The following INPP4B variants were observed in gnomAD, a reference collection of about 807,000 sequenced individuals.
The protein encoded by INPP4B is inositol polyphosphate-4-phosphatase type II B, also known as inositol polyphosphate 4-phosphatase type II.
Under a neutral mutation model 122.5 loss-of-function variants are expected in INPP4B, and 55 were observed. The observed-to-expected ratio is 0.45, with a 90% CI of 0.36 to 0.56. The LOEUF is 0.56. INPP4B is among the 20% of genes least tolerant of loss of function. INPP4B has a pLI of 0.00. For synonymous variants in INPP4B, 403 were observed against 388.7 expected (o/e 1.04, Z -0.43); for missense variants, 1,000 against 1,097.7 (o/e 0.91, Z 1.26).
At chr4:142,192,993 A>G in intron 15 of INPP4B, 94 bp downstream of exon 15, 1 of 720,324 alleles carries the variant, frequency 1.4e-6, no homozygotes, top group Non-Finnish European at 2.5e-6. Flanking sequence ...GTCAAGAACT[A>G]TACATTGTGA....
At chr4:142,417,364 C>A (rs759861519) in intron 5 of INPP4B, among the ~76,000 whole-genome samples, 8 of 152,032 alleles carry the variant, frequency 5.3e-5, no homozygotes, top group Non-Finnish European at 1.0e-4. Flanking sequence ...AAGTTGAGGG[C>A]CATAGATTCA....
chr4:142,102,973 T>G (rs1785211004), intron 23 of INPP4B, among the ~76,000 whole-genome samples: 1 of 152,116 alleles, frequency 6.6e-6, no homozygotes, highest in Admixed American at 6.6e-5. Context: ...ATGTTTTAAT[T>G]TCTCTATTTG....
chr4:142,673,696 T>G (rs966613163), intron 2 of INPP4B, among the ~76,000 whole-genome samples: 4 of 152,112 alleles, frequency 2.6e-5, no homozygotes. Context: ...TAAACCAGAA[T>G]GAACAGAAGA....
At chr4:142,781,376 C>A (rs894055556) in intron 1 of INPP4B, among the ~76,000 whole-genome samples, 4 of 152,202 alleles carry the variant, frequency 2.6e-5, no homozygotes, top group Non-Finnish European at 5.9e-5. Context: ...ACTGGTTGTA[C>A]TGCTGAGAAC....
At chr4:142,636,800 T>G (rs1039108527) in intron 2 of INPP4B, among the ~76,000 whole-genome samples, 7 of 152,114 alleles carry the variant, frequency 4.6e-5, no homozygotes, top group Non-Finnish European at 7.4e-5. Flanking sequence ...ATCATGTCAC[T>G]GGTATTTCCT....
chr4:142,055,237 C>A (rs2667103), intron 25 of INPP4B, among the ~76,000 whole-genome samples: 123,655 of 151,888 alleles, frequency 0.81, 52,456 homozygotes, highest in Non-Finnish European at 0.92. Context: ...GTTAAATAAA[C>A]CACTATTAAT....
intron 2 of INPP4B, among the ~76,000 whole-genome samples, chr4:142,474,610 T>G (rs150282772): frequency 1.2e-4 from 19 of 152,254 alleles, no homozygotes; most frequent in African/African-American, 4.1e-4. Flanking sequence ...AACCTCTTGT[T>G]GCCCAGGAAA....
At chr4:142,450,324 A>G (rs1336469707) in intron 3 of INPP4B, among the ~76,000 whole-genome samples, 1 of 152,220 alleles carries the variant, frequency 6.6e-6, no homozygotes, top group African/African-American at 2.4e-5. Context: ...TCTTAATGTC[A>G]TCAAAGTGGG....
At chr4:142,689,506 G>A (rs1464489649) in intron 2 of INPP4B, among the ~76,000 whole-genome samples, 2 of 152,154 alleles carry the variant, frequency 1.3e-5, no homozygotes, top group African/African-American at 4.8e-5. Context: ...AATTGCCCAT[G>A]ATAACCTTTT....
At chr4:142,250,921 C>T (rs1420286251) in intron 11 of INPP4B, among the ~76,000 whole-genome samples, 2 of 152,112 alleles carry the variant, frequency 1.3e-5, no homozygotes, top group South Asian at 2.1e-4. Flanking sequence ...ATTTAAATTG[C>T]AGAATGCAGC....
At chr4:142,063,934 C>A (rs1462452114) in intron 25 of INPP4B, among the ~76,000 whole-genome samples, 2 of 152,072 alleles carry the variant, frequency 1.3e-5, no homozygotes, top group Non-Finnish European at 2.9e-5. Context: ...AAATCATAAC[C>A]TCTGTGGTGA....
chr4:142,108,371 T>G (rs527322114), intron 22 of INPP4B, among the ~76,000 whole-genome samples, 181 bp from the exon 23 acceptor site: 3 of 152,208 alleles, frequency 2.0e-5, no homozygotes, highest in Non-Finnish European at 4.4e-5. Context: ...CTGGCCCTGA[T>G]TTCACTAATC....
At chr4:142,811,942 T>G (rs1196698319) in intron 1 of INPP4B, among the ~76,000 whole-genome samples, 2 of 152,118 alleles carry the variant, frequency 1.3e-5, no homozygotes, top group Non-Finnish European at 2.9e-5. Context: ...AACTACCAGG[T>G]ATCATTCCCC....
At chr4:142,526,863 A>AG (rs397706834) in intron 2 of INPP4B, among the ~76,000 whole-genome samples, 1 of 8,330 alleles carries the variant, frequency 1.2e-4, no homozygotes, top group African/African-American at 1.7e-4. Flanking sequence ...TAAAATTCTC[A>AG]TTTATGTAAC....
intron 10 of INPP4B, among the ~76,000 whole-genome samples, chr4:142,261,744 A>G (rs1740134912): frequency 6.6e-6 from 1 of 152,202 alleles, no homozygotes; most frequent in Admixed American, 6.5e-5. Flanking sequence ...TACGTTCCTC[A>G]AACATTTTGA....
At chr4:142,543,861 G>C (rs1829224815) in intron 2 of INPP4B, among the ~76,000 whole-genome samples, 1 of 152,062 alleles carries the variant, frequency 6.6e-6, no homozygotes, top group Non-Finnish European at 1.5e-5. Context: ...AAGATACCAA[G>C]ATACTAATGA....
chr4:142,646,821 A>G (rs1751892116), intron 2 of INPP4B, among the ~76,000 whole-genome samples: 1 of 152,200 alleles, frequency 6.6e-6, no homozygotes, highest in Non-Finnish European at 1.5e-5. Flanking sequence ...GCCCTCTCTA[A>G]GGAGCAAGGG....
intron 23 of INPP4B, among the ~76,000 whole-genome samples, chr4:142,092,121 C>T (rs1391045929): frequency 6.6e-6 from 1 of 152,182 alleles, no homozygotes; most frequent in Non-Finnish European, 1.5e-5. Context: ...CTGTGCTGTT[C>T]CAGCTGAGTG....
Position 142,298,565 on chromosome 4 carries a change from A to G in INPP4B, c.503+6893T>C, listed in dbSNP as rs970138757. 3.3e-5 allele frequency among the ~76,000 whole-genome samples: 5 copies of G among 150,952 alleles called. No individual in the cohort carries two copies. The Admixed American group carries it at 3.3e-4, about 10-fold the overall frequency. On this transcript the variant is annotated intron_variant, in intron 9 of 25. Coordinates refer to ENST00000262992, the MANE Select transcript of INPP4B (RefSeq NM_001101669.3). ...CCAGGCATGATGGTGGGCGCCTATA[A>G]TCCCAGCTACTCTGGAGGCTGAGGC... is the stretch of plus-strand genomic sequence containing the variant.
Sources: allele counts gnomAD v4.1 joint callset (sites outside exome capture counted in the v4.1 genomes callset), GRCh38; gene constraint gnomAD v4.1.1; transcripts MANE v1.5; gene names NCBI Gene and HGNC (gene_info 2026-07-23, HGNC 2026-07-21).